The following MAST4 variants were observed in gnomAD, a reference collection of about 807,000 sequenced individuals.
MAST4 encodes the protein microtubule associated serine/threonine kinase family member 4, also known as microtubule-associated serine/threonine-protein kinase 4.
Under a neutral mutation model 162.7 loss-of-function variants are expected in MAST4, and 89 were observed. That is an observed-to-expected ratio of 0.55 (90% CI 0.46 to 0.65). The LOEUF (loss-of-function observed/expected upper bound fraction) is 0.65, where lower values mean the gene tolerates loss of function less well. MAST4 is among the 30% of genes least tolerant of loss of function. MAST4 has a pLI of 0.00. For synonymous variants in MAST4, 1,479 were observed against 1,361.1 expected, an observed-to-expected ratio of 1.09 and a Z score of -1.91; for missense variants, 3,153 against 3,374.0, an observed-to-expected ratio of 0.93 and a Z score of 1.62.
chr5:66,820,381 A>T (rs905932465), intron 3 of MAST4, among the ~76,000 whole-genome samples: 1 of 152,184 alleles, frequency 6.6e-6, no homozygotes, highest in African/African-American at 2.4e-5. Context: ...TTTTCAATTG[A>T]TAGGTATCAT....
chr5:66,837,892 ATATTTTT>A (rs1469902380), intron 3 of MAST4, among the ~76,000 whole-genome samples: 128 of 34,982 alleles, frequency 3.7e-3, no homozygotes, highest in Middle Eastern at 0.017. Flanking sequence ...ATATATATAT[ATATTTTT>A]TTTTTTTTTT....
chr5:66,686,325 CTAT>C (rs146782861), intron 1 of MAST4, among the ~76,000 whole-genome samples: 12 of 151,956 alleles, frequency 7.9e-5, no homozygotes, highest in Middle Eastern at 6.8e-3. Context: ...GTAGTTATTA[CTAT>C]TATTATTATT....
At chr5:67,052,313 C>T (rs1396028449) in intron 4 of MAST4, among the ~76,000 whole-genome samples, 1 of 152,070 alleles carries the variant, frequency 6.6e-6, no homozygotes, top group Non-Finnish European at 1.5e-5. Flanking sequence ...ATTGACCAAA[C>T]AAGTATATTT....
At chr5:67,046,381 G>GT (rs1757373096) in intron 4 of MAST4, among the ~76,000 whole-genome samples, 1 of 152,198 alleles carries the variant, frequency 6.6e-6, no homozygotes, top group South Asian at 2.1e-4. Flanking sequence ...ATGAAAATGT[G>GT]TTTAAAAGCT....
At chr5:67,004,802 G>A in intron 4 of MAST4, 1 of 564,456 alleles carries the variant, frequency 1.8e-6, no homozygotes, top group Non-Finnish European at 3.2e-6. Context: ...AGGCTAGGAC[G>A]GGACGGGTAC....
At chr5:67,078,911 A>AATATATAT (rs750951069) in intron 5 of MAST4, among the ~76,000 whole-genome samples, 43 of 38,068 alleles carry the variant, frequency 1.1e-3, no homozygotes, top group South Asian at 3.6e-3. Context: ...TTTTTATATA[A>AATATATAT]ATATATATAT....
chr5:66,739,491 C>A (rs1168717818), intron 1 of MAST4, among the ~76,000 whole-genome samples: 7 of 152,146 alleles, frequency 4.6e-5, no homozygotes, highest in Non-Finnish European at 1.0e-4. Context: ...TTAGAAATAG[C>A]CAGACCTCCT....
intron 1 of MAST4, among the ~76,000 whole-genome samples, chr5:66,673,530 G>GTTTTTTT (rs11376867): frequency 3.0e-4 from 32 of 106,502 alleles, no homozygotes; most frequent in Non-Finnish European, 4.6e-4. Flanking sequence ...TTTGTTTTTT[G>GTTTTTTT]TTTTTTTTTT....
At chr5:66,598,616 T>G (rs542010172) in intron 1 of MAST4, among the ~76,000 whole-genome samples, 1 of 152,328 alleles carries the variant, frequency 6.6e-6, no homozygotes, top group East Asian at 1.9e-4. Context: ...TGTTTGCCCC[T>G]TAACTTCTGC....
intron 26 of MAST4, 67 bp downstream of exon 26, chr5:67,153,647 G>A: frequency 7.0e-7 from 1 of 1,423,472 alleles, no homozygotes; most frequent in Non-Finnish European, 9.3e-7. Flanking sequence ...AGTACCAGGA[G>A]ATTGATTTCC....
chr5:66,624,707 G>C (rs1049263518), intron 1 of MAST4, among the ~76,000 whole-genome samples: 1 of 152,178 alleles, frequency 6.6e-6, no homozygotes, highest in African/African-American at 2.4e-5. Flanking sequence ...ATACTGGCCA[G>C]TGGAAAAGAA....
intron 5 of MAST4, among the ~76,000 whole-genome samples, chr5:67,070,489 G>C (rs555152113): frequency 2.0e-5 from 3 of 152,224 alleles, no homozygotes; most frequent in Non-Finnish European, 2.9e-5. Context: ...TTACTAGCAG[G>C]GTAGAAGTTA....
intron 5 of MAST4, among the ~76,000 whole-genome samples, chr5:67,087,235 T>C (rs957271607): frequency 6.6e-6 from 1 of 152,198 alleles, no homozygotes; most frequent in South Asian, 2.1e-4. Flanking sequence ...AGTCACTTTT[T>C]TAGCCTGTAT....
intron 1 of MAST4, among the ~76,000 whole-genome samples, chr5:66,657,569 A>G (rs1441698510): frequency 6.6e-6 from 1 of 152,232 alleles, no homozygotes; most frequent in Non-Finnish European, 1.5e-5. Flanking sequence ...CGGTATTTGT[A>G]GTATAATTTC....
At chr5:66,919,702 AC>A (rs1426797400) in intron 4 of MAST4, among the ~76,000 whole-genome samples, 1 of 150,940 alleles carries the variant, frequency 6.6e-6, no homozygotes, top group East Asian at 1.9e-4. Context: ...ATAAACAGTT[AC>A]CTTCTCTAGT....
At chr5:66,624,197 G>C (rs1329387951) in intron 1 of MAST4, among the ~76,000 whole-genome samples, 1 of 117,344 alleles carries the variant, frequency 8.5e-6, no homozygotes, top group Non-Finnish European at 1.6e-5. Flanking sequence ...TGTCACCCAG[G>C]CTGGAGTGCA....
chr5:67,041,562 C>T (rs1271022456), intron 4 of MAST4, among the ~76,000 whole-genome samples: 1 of 152,206 alleles, frequency 6.6e-6, no homozygotes, highest in Non-Finnish European at 1.5e-5. Flanking sequence ...TGCTGTGTGC[C>T]AGCACTATCA....
intron 3 of MAST4, among the ~76,000 whole-genome samples, chr5:66,814,429 A>G (rs1259819566): frequency 6.6e-6 from 1 of 152,084 alleles, no homozygotes; most frequent in Non-Finnish European, 1.5e-5. Context: ...GCAGCCACAG[A>G]TATGTAAAAG....
At position 67,163,232 on chromosome 5, in the gene MAST4, C is replaced by T. The variant is rs775290288; in HGVS notation, c.4053C>T (p.Leu1351=). Residue 1351 remains leucine, a synonymous_variant, in exon 29 of 29, where the codon CTC becomes CTT. Coordinates refer to ENST00000403625, the MANE Select transcript of MAST4 (RefSeq NM_001164664.2). This position sits in a 1 kb window ranked among gnomAD's most constrained non-coding sequence, Gnocchi z 7.0. Reference sequence around the variant, plus strand: ...CCGGGCACATCCGGCCCAGCACTCTCCACGGTCTTGCACCCAAACTCGGCG... The same window carrying T: ...CCGGGCACATCCGGCCCAGCACTCTTCACGGTCTTGCACCCAAACTCGGCG... ...AGSGHIRPST[L]HGLAPKLGGQ... 4 of 1,613,964 alleles carry T rather than the reference C, an allele frequency of 2.5e-6. No individual in the cohort carries two copies. In the Admixed American group the frequency reaches 6.7e-5, roughly 27 times the overall value.
Sources: allele counts gnomAD v4.1 joint callset (sites outside exome capture counted in the v4.1 genomes callset), GRCh38; gene constraint gnomAD v4.1.1; non-coding constraint Gnocchi (gnomAD v3.1); transcripts MANE v1.5; gene names NCBI Gene and HGNC (gene_info 2026-07-23, HGNC 2026-07-21).